KAZN: variants seen among roughly 807,000 people sequenced by gnomAD.
KAZN encodes kazrin, periplakin interacting protein.
Under a neutral mutation model 87.4 loss-of-function variants are expected in KAZN, and 40 were observed. The observed-to-expected ratio is 0.46, with a 90% CI of 0.36 to 0.60. KAZN has a LOEUF of 0.60. KAZN is among the 20% of genes least tolerant of loss of function. The pLI is 0.00. For synonymous variants in KAZN, 466 were observed against 458.3 expected, an observed-to-expected ratio of 1.02 and a Z score of -0.22; for missense variants, 898 against 1,073.9, an observed-to-expected ratio of 0.84 and a Z score of 2.29.
intron 1 of KAZN, among the ~76,000 whole-genome samples, chr1:14,091,181 T>C (rs1445804393): frequency 6.6e-6 from 1 of 151,686 alleles, no homozygotes; most frequent in African/African-American, 2.4e-5. Flanking sequence ...TTCCCTCCTC[T>C]TGGTATATTG....
At chr1:14,061,626 T>G (rs1488278922) in intron 1 of KAZN, among the ~76,000 whole-genome samples, 1 of 152,216 alleles carries the variant, frequency 6.6e-6, no homozygotes, top group African/African-American at 2.4e-5. Context: ...TTGACATGTG[T>G]TCCTGTCCAT....
chr1:15,103,125 G>A (rs1008079479), intron 11 of KAZN, among the ~76,000 whole-genome samples: 2 of 152,216 alleles, frequency 1.3e-5, no homozygotes, highest in African/African-American at 2.4e-5. Context: ...AAAGCAGCCC[G>A]GTGTGGTGGC....
At chr1:14,565,315 G>A (rs1188491298) in intron 2 of KAZN, among the ~76,000 whole-genome samples, 1 of 152,180 alleles carries the variant, frequency 6.6e-6, no homozygotes, top group Non-Finnish European at 1.5e-5. Flanking sequence ...TATAAAAGTT[G>A]TATGTACATA....
intron 1 of KAZN, among the ~76,000 whole-genome samples, chr1:14,761,643 A>G (rs1196752358): frequency 6.6e-6 from 1 of 152,238 alleles, no homozygotes; most frequent in East Asian, 1.9e-4. Context: ...AAGCAAACCT[A>G]CAAAACCCTA....
intron 2 of KAZN, among the ~76,000 whole-genome samples, chr1:14,434,546 A>G (rs1319051023): frequency 1.3e-5 from 2 of 152,234 alleles, no homozygotes; most frequent in Non-Finnish European, 2.9e-5. Flanking sequence ...GGAGTCAATT[A>G]GACGATGCAG....
intron 1 of KAZN, among the ~76,000 whole-genome samples, chr1:14,918,674 T>TAAAAA (rs1658085680): frequency 4.0e-5 from 1 of 25,036 alleles, no homozygotes; most frequent in African/African-American, 1.8e-4. Flanking sequence ...AGACTCCATC[T>TAAAAA]CAAAAAAAAA....
At chr1:14,478,072 C>A (rs1049681571) in intron 2 of KAZN, among the ~76,000 whole-genome samples, 10 of 152,202 alleles carry the variant, frequency 6.6e-5, no homozygotes, top group African/African-American at 2.2e-4. Context: ...CTCATTCTCA[C>A]TGCCTTGAGC....
At chr1:14,394,868 G>T (rs1250615501) in intron 2 of KAZN, among the ~76,000 whole-genome samples, 1 of 152,186 alleles carries the variant, frequency 6.6e-6, no homozygotes, top group Non-Finnish European at 1.5e-5. Context: ...TATGCCCAAG[G>T]TCACCCAGCT....
intron 2 of KAZN, among the ~76,000 whole-genome samples, chr1:14,991,044 C>T (rs1667301508): frequency 6.6e-6 from 1 of 151,722 alleles, no homozygotes; most frequent in African/African-American, 2.4e-5. Flanking sequence ...CAGAGTCTTT[C>T]TGCAGCCTCA....
At chr1:13,912,613 C>T (rs370060427) in intron 1 of KAZN, among the ~76,000 whole-genome samples, 1 of 151,756 alleles carries the variant, frequency 6.6e-6, no homozygotes, top group Non-Finnish European at 1.5e-5. Flanking sequence ...TAATGCAATT[C>T]TTTTTTTTGA....
At chr1:14,403,985 G>C (rs1465400465) in intron 2 of KAZN, among the ~76,000 whole-genome samples, 1 of 152,132 alleles carries the variant, frequency 6.6e-6, no homozygotes, top group Non-Finnish European at 1.5e-5. Flanking sequence ...AAATGCGTAA[G>C]GTTTTATAGA....
At chr1:15,052,149 GTA>G (rs1674474045) in intron 4 of KAZN, among the ~76,000 whole-genome samples, 1 of 152,052 alleles carries the variant, frequency 6.6e-6, no homozygotes, top group Non-Finnish European at 1.5e-5. Context: ...GTACGTGTGT[GTA>G]TGTGTGTGTG....
chr1:14,592,097 C>T (rs1330781084), intron 2 of KAZN, among the ~76,000 whole-genome samples: 1 of 152,110 alleles, frequency 6.6e-6, no homozygotes, highest in Non-Finnish European at 1.5e-5. Flanking sequence ...ATCTGTTGCC[C>T]TTTTCCCCAG....
chr1:14,482,938 T>C (rs1260636615), intron 2 of KAZN, among the ~76,000 whole-genome samples: 1 of 152,216 alleles, frequency 6.6e-6, no homozygotes, highest in Non-Finnish European at 1.5e-5. Context: ...ACATAACCTC[T>C]TTATTTATAC....
intron 1 of KAZN, among the ~76,000 whole-genome samples, chr1:14,000,571 A>C (rs1639739587): frequency 6.6e-6 from 1 of 152,234 alleles, no homozygotes; most frequent in Non-Finnish European, 1.5e-5. Context: ...AGAGCTATTT[A>C]TGACAAACCC....
At chr1:14,957,664 G>C (rs1421991224) in intron 1 of KAZN, among the ~76,000 whole-genome samples, 3 of 152,182 alleles carry the variant, frequency 2.0e-5, no homozygotes, top group Admixed American at 1.3e-4. Flanking sequence ...AGGCTGATGG[G>C]AAGGAAATCA....
rs1643996271 is a variant in KAZN at position 14,091,608 on chromosome 1, A to G, written c.92-88827A>G. Among the ~76,000 whole-genome samples the G allele has an allele frequency of 2.6e-5, 4 of 152,222 alleles. No individual in the cohort carries two copies. In the South Asian group the frequency reaches 8.3e-4, roughly 31 times the overall value. ...TGTAACATTTAAAAAATGTCAAAAC[A>G]TTTTGTGAATGTCAACATTTTGATA... On this transcript the variant is annotated intron_variant, in intron 1 of 16. Coordinates refer to the KAZN transcript ENST00000636203.
intron 2 of KAZN, among the ~76,000 whole-genome samples, chr1:14,407,094 T>C (rs1203124577): frequency 6.6e-6 from 1 of 152,218 alleles, no homozygotes; most frequent in Admixed American, 6.5e-5. Context: ...ACTTGCTTTG[T>C]TCACTCAACA....
chr1:13,932,231 C>T (rs1044002323), intron 1 of KAZN, among the ~76,000 whole-genome samples: 56 of 149,460 alleles, frequency 3.7e-4, no homozygotes, highest in Non-Finnish European at 7.5e-4. Flanking sequence ...CTTATATGAG[C>T]GGGGTACAGT....
Sources: gnomAD v4.1 joint callset for allele counts (sites outside exome capture counted in the v4.1 genomes callset) on GRCh38, gnomAD v4.1.1 for gene constraint, MANE v1.5 for transcripts, NCBI Gene and HGNC (gene_info 2026-07-23, HGNC 2026-07-21) for gene names.